ORC5: variants seen among roughly 807,000 people sequenced by gnomAD.
ORC5 encodes protein phosphatase 1, regulatory subunit 117.
A neutral mutation model predicts 58.8 loss-of-function variants in ORC5; 39 were observed. The ratio of observed to expected loss-of-function variants is 0.66; its 90% CI spans 0.51 to 0.87. The LOEUF (loss-of-function observed/expected upper bound fraction) is 0.87, where lower values mean the gene tolerates loss of function less well. Among genes scored for constraint, ORC5 ranks in the 40% least tolerant of loss-of-function variants. The pLI, the probability that ORC5 is intolerant of heterozygous loss-of-function variation, is 0.00. For synonymous variants in ORC5, 218 were observed against 177.6 expected, an observed-to-expected ratio of 1.23 and a Z score of -1.81; for missense variants, 493 against 506.3, an observed-to-expected ratio of 0.97 and a Z score of 0.25.
intron 5 of ORC5, among the ~76,000 whole-genome samples, chr7:104,192,006 C>T (rs1489017504): frequency 2.0e-5 from 3 of 152,120 alleles, no homozygotes; most frequent in African/African-American, 7.2e-5. Flanking sequence ...CAGTAACGGA[C>T]CGTAATACCT....
intron 5 of ORC5, among the ~76,000 whole-genome samples, chr7:104,188,925 C>T (rs1334692102): frequency 1.3e-5 from 2 of 152,064 alleles, no homozygotes; most frequent in Non-Finnish European, 2.9e-5. Flanking sequence ...TGTTTGCTTC[C>T]CCTTCACCTT....
chr7:104,166,981 C>G (rs551388383), intron 9 of ORC5, 97 bp from the exon 10 acceptor site: 22 of 679,680 alleles, frequency 3.2e-5, no homozygotes, highest in Non-Finnish European at 5.4e-5. Context: ...ATGGTATTCT[C>G]TAGTCAAAAT....
intron 1 of ORC5, among the ~76,000 whole-genome samples, chr7:104,205,201 T>C (rs1434686201): frequency 6.7e-6 from 1 of 148,412 alleles, no homozygotes; most frequent in Non-Finnish European, 1.5e-5. Flanking sequence ...GCGATTCTCC[T>C]GCCTCAGCCT....
intron 2 of ORC5, among the ~76,000 whole-genome samples, chr7:104,203,261 C>A (rs1799989183): frequency 6.6e-6 from 1 of 152,190 alleles, no homozygotes; most frequent in South Asian, 2.1e-4. Context: ...AGCCTGTGGG[C>A]TAGCCACCTG....
At chr7:104,176,665 C>T (rs1379017019) in intron 8 of ORC5, among the ~76,000 whole-genome samples, 3 of 132,068 alleles carry the variant, frequency 2.3e-5, no homozygotes, top group African/African-American at 7.8e-5. Flanking sequence ...GTCCCCTTTG[C>T]CAAGCAGTCC....
chr7:104,197,621 A>G, intron 4 of ORC5, 104 bp downstream of exon 4: 1 of 653,148 alleles, frequency 1.5e-6, no homozygotes, highest in Non-Finnish European at 2.6e-6. Context: ...CTAAAATTAT[A>G]TTAAAATACT....
intron 13 of ORC5, among the ~76,000 whole-genome samples, chr7:104,135,116 A>G (rs75563296): frequency 0.028 from 4,314 of 152,206 alleles, 182 homozygotes; most frequent in African/African-American, 0.099. Context: ...GAGATTCACT[A>G]TATTAGGAAC....
chr7:104,167,117 A>T (rs1437174367), intron 9 of ORC5, among the ~76,000 whole-genome samples: 1 of 152,068 alleles, frequency 6.6e-6, no homozygotes. Context: ...CTGAAGTCTA[A>T]ATCCTACTCG....
intron 8 of ORC5, among the ~76,000 whole-genome samples, chr7:104,182,274 G>A (rs1191693719): frequency 6.6e-6 from 1 of 152,122 alleles, no homozygotes; most frequent in East Asian, 1.9e-4. Flanking sequence ...CTGCAAAGCA[G>A]GATAAGAAGT....
Position 104,192,007 on chromosome 7 carries a change from C to T in ORC5, c.553+3136G>A, listed in dbSNP as rs192817277. ...TATCAAACAAATGGCAGTAACGGAC[C>T]GTAATACCTGAGAAAAGGTAAACAA... On this transcript the variant is annotated intron_variant, in intron 5 of 13. Transcript: ENST00000297431. Among the ~76,000 whole-genome samples the T allele has an allele frequency of 1.9e-4, 29 of 152,122 alleles. No individual in the cohort carries two copies. The East Asian group carries it at 2.9e-3, about 15-fold the overall frequency.
chr7:104,205,015 T>A lies in ORC5; in HGVS notation c.73-781A>T, dbSNP rs1800040442. Among the ~76,000 whole-genome samples, 6 of 151,736 alleles carry A rather than the reference T, an allele frequency of 4.0e-5. No homozygotes were observed. In the South Asian group the frequency reaches 1.3e-3, roughly 32 times the overall value. ...GAACAAATAACAGTAAAAGACATTA[T>A]CTACTTTGGAGGAAATTATAGTCTA... On this transcript the variant is annotated intron_variant, in intron 1 of 13. Coordinates refer to ENST00000297431, the MANE Select transcript of ORC5 (RefSeq NM_002553.4).
intron 8 of ORC5, among the ~76,000 whole-genome samples, chr7:104,173,432 CA>C (rs2115910060): frequency 6.6e-6 from 1 of 152,294 alleles, no homozygotes; most frequent in African/African-American, 2.4e-5. Flanking sequence ...TTTAGGTTGA[CA>C]TATCTGGAGT....
At chr7:104,152,987 C>A (rs948896281) in intron 12 of ORC5, among the ~76,000 whole-genome samples, 6 of 152,122 alleles carry the variant, frequency 3.9e-5, no homozygotes. Context: ...AAAGTGATTA[C>A]ACTAAGAAAT....
chr7:104,160,288 T>G (rs1294569232), intron 12 of ORC5, among the ~76,000 whole-genome samples: 1 of 152,216 alleles, frequency 6.6e-6, no homozygotes, highest in Admixed American at 6.5e-5. Flanking sequence ...GGGGCCAGAT[T>G]TATTCAGTGA....
chr7:104,168,381 C>T, intron 9 of ORC5, 92 bp downstream of exon 9: 1 of 1,529,870 alleles, frequency 6.5e-7, no homozygotes, highest in African/African-American at 1.4e-5. Context: ...AACACTATTT[C>T]CTGACTGAAT....
intron 5 of ORC5, among the ~76,000 whole-genome samples, chr7:104,190,244 G>A (rs1799643964): frequency 6.6e-6 from 1 of 151,860 alleles, no homozygotes; most frequent in Non-Finnish European, 1.5e-5. Flanking sequence ...TCAGTAACAA[G>A]GGAAAAAATA....
Position 104,136,988 on chromosome 7 carries a change from T to A in ORC5, c.1150-95A>T. On this transcript the variant is annotated intron_variant, in intron 12 of 13. Coordinates refer to ENST00000297431, the MANE Select transcript of ORC5 (RefSeq NM_002553.4). This position sits in a 1 kb window ranked among gnomAD's most constrained non-coding sequence, Gnocchi z 4.2. ...TTATAGTCTGATAAAGATACATAAC[T>A]GAATCACAAAAAACGTCTGCAAAGA... 1 of 804,474 alleles carries A rather than the reference T, an allele frequency of 1.2e-6. No individual in the cohort carries two copies. The highest frequency in any genetic ancestry group is 2.0e-6 in the Non-Finnish European group (1 of 495,528). 49.8% of individuals were successfully genotyped at this position (804,474 alleles called of 1,614,324 possible). A position where few individuals can be genotyped will look rare whatever the true frequency, so the allele number is the denominator to read the frequency against.
chr7:104,203,639 G>A (rs1370814955), intron 2 of ORC5, among the ~76,000 whole-genome samples: 1 of 152,192 alleles, frequency 6.6e-6, no homozygotes, highest in African/African-American at 2.4e-5. Flanking sequence ...AAAGGAACAT[G>A]AGTCTGCCAG....
At chr7:104,201,155 A>G (rs533666739) in intron 2 of ORC5, among the ~76,000 whole-genome samples, 197 bp from the exon 3 acceptor site, 2 of 152,270 alleles carry the variant, frequency 1.3e-5, no homozygotes, top group East Asian at 3.9e-4. Context: ...AAGCCAATGG[A>G]AAGAACCAGC....
Sources: gnomAD v4.1 joint callset for allele counts (sites outside exome capture counted in the v4.1 genomes callset) on GRCh38, gnomAD v4.1.1 for gene constraint, Gnocchi (gnomAD v3.1) non-coding constraint, MANE v1.5 for transcripts, NCBI Gene and HGNC (gene_info 2026-07-23, HGNC 2026-07-21) for gene names.